Variants in GRIK2 observed in about 807,000 individuals in gnomAD.
The protein encoded by GRIK2 is glutamate ionotropic receptor kainate type subunit 2, also known as glutamate receptor ionotropic, kainate 2.
In GRIK2, 32 loss-of-function variants were observed where a neutral mutation model predicts 100.3. That is an observed-to-expected ratio of 0.32 (90% CI 0.24 to 0.43). GRIK2 has a LOEUF of 0.43. Among genes scored for constraint, GRIK2 ranks in the 20% least tolerant of loss-of-function variants. The pLI is 1.00. For missense variants in GRIK2, 843 were observed against 1,114.9 expected (o/e 0.76, Z 3.47); for synonymous variants, 417 against 389.4 (o/e 1.07, Z -0.83).
At chr6:101,979,844 G>A (rs1401605189) in intron 14 of GRIK2, among the ~76,000 whole-genome samples, 1 of 151,952 alleles carries the variant, frequency 6.6e-6, no homozygotes, top group African/African-American at 2.4e-5. Context: ...AGCATCAGGT[G>A]CAGCAGCGAG....
intron 14 of GRIK2, among the ~76,000 whole-genome samples, chr6:101,960,282 C>A (rs1179417458): frequency 6.6e-6 from 1 of 151,588 alleles, no homozygotes; most frequent in Non-Finnish European, 1.5e-5. Context: ...TCTCTTGGAT[C>A]TCATTAAGCT....
chr6:101,614,523 T>G (rs2128314210), intron 2 of GRIK2, among the ~76,000 whole-genome samples: 1 of 151,788 alleles, frequency 6.6e-6, no homozygotes, highest in South Asian at 2.1e-4. Flanking sequence ...CCTAATGTCA[T>G]TTAATATCCA....
chr6:102,035,625 G>A (rs565017467), intron 15 of GRIK2, 59 bp downstream of exon 15: 1 of 991,616 alleles, frequency 1.0e-6, no homozygotes, highest in African/African-American at 1.6e-5. Context: ...TGTAAGACAG[G>A]GGAAAAATAG....
chr6:101,792,949 T>G (rs1477711009), intron 7 of GRIK2, among the ~76,000 whole-genome samples: 9 of 152,190 alleles, frequency 5.9e-5, no homozygotes, highest in Admixed American at 5.9e-4. Flanking sequence ...TCGCTTCATT[T>G]CATTCATTTC....
At chr6:101,478,564 C>T (rs564433411) in intron 2 of GRIK2, among the ~76,000 whole-genome samples, 2 of 143,716 alleles carry the variant, frequency 1.4e-5, no homozygotes, top group African/African-American at 2.6e-5. Context: ...CCCAAGCTGG[C>T]GTGCAGTGGC....
At chr6:101,891,516 C>CAAAA (rs5878701) in intron 12 of GRIK2, 253 of 198,168 alleles carry the variant, frequency 1.3e-3, no homozygotes, top group South Asian at 2.0e-3. Flanking sequence ...GACTCCATCT[C>CAAAA]AAAAAAAAAA....
intron 10 of GRIK2, among the ~76,000 whole-genome samples, chr6:101,828,405 G>GT (rs1782470531): frequency 6.6e-6 from 1 of 151,586 alleles, no homozygotes; most frequent in Admixed American, 6.6e-5. Flanking sequence ...CAGAGCTAGC[G>GT]TAAAAAAGAA....
At chr6:101,722,604 C>T (rs1008097082) in intron 7 of GRIK2, among the ~76,000 whole-genome samples, 5 of 152,062 alleles carry the variant, frequency 3.3e-5, no homozygotes, top group African/African-American at 1.2e-4. Flanking sequence ...TTTTATAAGG[C>T]TTCACCTTCT....
intron 7 of GRIK2, among the ~76,000 whole-genome samples, chr6:101,700,079 G>T (rs1231651414): frequency 6.6e-6 from 1 of 152,066 alleles, no homozygotes; most frequent in Non-Finnish European, 1.5e-5. Context: ...GATCCTGAGA[G>T]GTCGAAGCTG....
At chr6:101,726,904 A>G (rs1774908695) in intron 7 of GRIK2, among the ~76,000 whole-genome samples, 1 of 151,884 alleles carries the variant, frequency 6.6e-6, no homozygotes, top group South Asian at 2.1e-4. Flanking sequence ...ACAAAGTGAT[A>G]CTATATTCTG....
At chr6:101,557,335 G>GA (rs1276408296) in intron 2 of GRIK2, among the ~76,000 whole-genome samples, 1 of 152,098 alleles carries the variant, frequency 6.6e-6, no homozygotes, top group Non-Finnish European at 1.5e-5. Flanking sequence ...ATAAAGTGAA[G>GA]ATTTATATGG....
chr6:101,551,714 A>C (rs1194465832), intron 2 of GRIK2, among the ~76,000 whole-genome samples: 1 of 152,158 alleles, frequency 6.6e-6, no homozygotes, highest in Non-Finnish European at 1.5e-5. Context: ...TTCAGCACTG[A>C]GACGTGAGCT....
chr6:102,049,420 G>T (rs1268936547), intron 15 of GRIK2, among the ~76,000 whole-genome samples: 1 of 151,912 alleles, frequency 6.6e-6, no homozygotes, highest in Non-Finnish European at 1.5e-5. Context: ...CATACAAATT[G>T]AATTTAAAAG....
At position 102,033,602 on chromosome 6, in the gene GRIK2, C is replaced by T. The variant is rs189691569; in HGVS notation, c.2086-1739C>T. Reference sequence around the variant, plus strand: ...GGAGTGAGGGTGTATTCTAAAGTTACCTATTTCCTGGTAGGTGACCAGCAG... The same window carrying T: ...GGAGTGAGGGTGTATTCTAAAGTTATCTATTTCCTGGTAGGTGACCAGCAG... On this transcript the variant is annotated intron_variant, in intron 14 of 16. Transcript: ENST00000369134. Among the ~76,000 whole-genome samples, 853 of 151,352 alleles carry T rather than the reference C, an allele frequency of 5.6e-3. 8 individuals carry two copies. Among genetic ancestry groups the T allele is most frequent in the African/African-American group, 0.02 (816 of 41,406 alleles).
chr6:101,774,724 G>A (rs1347199143), intron 7 of GRIK2, among the ~76,000 whole-genome samples: 1 of 152,124 alleles, frequency 6.6e-6, no homozygotes, highest in Admixed American at 6.5e-5. Context: ...AAAAAGTGAA[G>A]AGTTTCTGTA....
At chr6:101,967,800 T>C (rs1792783487) in intron 14 of GRIK2, among the ~76,000 whole-genome samples, 1 of 152,100 alleles carries the variant, frequency 6.6e-6, no homozygotes, top group African/African-American at 2.4e-5. Flanking sequence ...ATTCATCTCA[T>C]AGAAATTACC....
intron 14 of GRIK2, among the ~76,000 whole-genome samples, chr6:101,996,325 A>G (rs1020829875): frequency 6.6e-6 from 1 of 152,084 alleles, no homozygotes; most frequent in African/African-American, 2.4e-5. Context: ...ATGCTTGACA[A>G]CAGAGTGTGT....
chr6:102,056,166 GTTCT>G (rs1257806570), intron 16 of GRIK2, among the ~76,000 whole-genome samples: 1 of 151,804 alleles, frequency 6.6e-6, no homozygotes, highest in African/African-American at 2.4e-5. Context: ...TTCTTAATCA[GTTCT>G]TTGTTTTTTT....
At chr6:101,925,799 A>G (rs575541715) in intron 13 of GRIK2, among the ~76,000 whole-genome samples, 1 of 152,142 alleles carries the variant, frequency 6.6e-6, no homozygotes, top group East Asian at 1.9e-4. Context: ...ATGTTGTTAT[A>G]AAATGTTGTT....
Sources: gnomAD v4.1 joint callset for allele counts (sites outside exome capture counted in the v4.1 genomes callset) on GRCh38, gnomAD v4.1.1 for gene constraint, MANE v1.5 for transcripts, NCBI Gene and HGNC (gene_info 2026-07-23, HGNC 2026-07-21) for gene names.